The following NREP variants were observed in gnomAD, a reference collection of about 807,000 sequenced individuals.
NREP encodes the protein neuronal regeneration related protein, also known as neuronal regeneration-related protein.
NREP carries 5 observed loss-of-function variants against 8.6 expected under a neutral mutation model. The ratio of observed to expected loss-of-function variants is 0.58; its 90% CI spans 0.30 to 1.22. NREP has a LOEUF of 1.22. Among genes scored for constraint, NREP ranks in the 50% most tolerant of loss-of-function variants. The pLI is 0.07. For missense variants in NREP, 86 were observed against 82.5 expected (o/e 1.04, Z -0.17); for synonymous variants, 27 against 28.0 (o/e 0.96, Z 0.11).
intron 2 of NREP, among the ~76,000 whole-genome samples, chr5:111,805,519 G>A (rs372999232): frequency 6.6e-6 from 1 of 152,146 alleles, no homozygotes; most frequent in Admixed American, 6.5e-5. Flanking sequence ...AACTGATATG[G>A]AGTTATTATC....
intron 2 of NREP, among the ~76,000 whole-genome samples, chr5:111,745,449 A>G (rs1049801757): frequency 6.6e-6 from 1 of 152,214 alleles, no homozygotes; most frequent in Non-Finnish European, 1.5e-5. Context: ...GGAAATGTCC[A>G]GCACAATATA....
chr5:111,803,110 G>A (rs1011828106), intron 2 of NREP, among the ~76,000 whole-genome samples: 15 of 152,140 alleles, frequency 9.9e-5, no homozygotes, highest in Admixed American at 6.5e-5. Flanking sequence ...GAGCAGGTCA[G>A]TGGAAATTCC....
At chr5:111,804,076 G>A (rs1252809115) in intron 2 of NREP, among the ~76,000 whole-genome samples, 1 of 152,136 alleles carries the variant, frequency 6.6e-6, no homozygotes, top group Non-Finnish European at 1.5e-5. Flanking sequence ...AAAGTTTAAT[G>A]AGGAATTTGA....
chr5:111,870,803 T>C (rs2112495716), intron 2 of NREP, among the ~76,000 whole-genome samples: 1 of 152,208 alleles, frequency 6.6e-6, no homozygotes, highest in East Asian at 1.9e-4. Flanking sequence ...CCAAGGACTG[T>C]CAAGGATTGA....
intron 2 of NREP, among the ~76,000 whole-genome samples, chr5:111,903,814 TG>T (rs1229758929): frequency 6.6e-6 from 1 of 152,132 alleles, no homozygotes. Flanking sequence ...GCCAAAATAT[TG>T]TTCACCAAGC....
intron 2 of NREP, among the ~76,000 whole-genome samples, chr5:111,776,230 T>C (rs971979893): frequency 1.4e-4 from 21 of 152,158 alleles, no homozygotes; most frequent in Admixed American, 6.6e-5. Flanking sequence ...ATGTGCAAGA[T>C]AATTTATGTC....
intron 2 of NREP, among the ~76,000 whole-genome samples, chr5:111,956,444 T>C (rs895994805): frequency 9.2e-5 from 14 of 151,748 alleles, no homozygotes; most frequent in African/African-American, 3.1e-4. Context: ...ATTAAAGCAA[T>C]TGAAAAAATT....
intron 2 of NREP, among the ~76,000 whole-genome samples, chr5:111,845,360 G>A (rs78054321): frequency 4.8e-4 from 73 of 151,170 alleles, no homozygotes; most frequent in African/African-American, 1.5e-3. Context: ...AAGTATGTTC[G>A]TGCATAAATT....
chr5:111,922,581 A>T (rs1447462709), intron 2 of NREP, among the ~76,000 whole-genome samples: 2 of 152,112 alleles, frequency 1.3e-5, no homozygotes, highest in Admixed American at 1.3e-4. Context: ...CCATCTGTTG[A>T]GGGAGGTGTT....
chr5:111,929,281 C>T (rs1182227572), intron 2 of NREP, among the ~76,000 whole-genome samples: 1 of 152,162 alleles, frequency 6.6e-6, no homozygotes, highest in African/African-American at 2.4e-5. Flanking sequence ...TGCTATCCTA[C>T]TTAAAGCAAA....
chr5:111,919,904 A>AAAGG, intron 2 of NREP, among the ~76,000 whole-genome samples: 1 of 151,562 alleles, frequency 6.6e-6, no homozygotes, highest in African/African-American at 2.4e-5. Flanking sequence ...AGAAAGAAAG[A>AAAGG]AAGAAAGAAA....
intron 2 of NREP, among the ~76,000 whole-genome samples, chr5:111,887,739 A>C (rs189410896): frequency 6.6e-6 from 1 of 152,224 alleles, no homozygotes. Context: ...GAACTTTAAA[A>C]AGTGCTGACG....
At chr5:111,760,368 T>C (rs942341775), upstream of NREP, among the ~76,000 whole-genome samples, 1 of 152,312 alleles carries the variant, frequency 6.6e-6, no homozygotes, top group Non-Finnish European at 1.5e-5. Context: ...TTGAGTTATG[T>C]GCACTGCATT....
upstream of NREP, among the ~76,000 whole-genome samples, chr5:111,760,393 A>T (rs115467721): frequency 0.01 from 1,534 of 152,280 alleles, 41 homozygotes; most frequent in African/African-American, 0.035. Context: ...AGGGACAGAG[A>T]CCTGACCCAA....
At chr5:111,927,446 G>A (rs939003345) in intron 2 of NREP, among the ~76,000 whole-genome samples, 1 of 152,072 alleles carries the variant, frequency 6.6e-6, no homozygotes. Flanking sequence ...TGAGATAAGC[G>A]CTCTGTGGAA....
At chr5:111,941,355 C>T (rs572088054) in intron 2 of NREP, among the ~76,000 whole-genome samples, 7 of 152,070 alleles carry the variant, frequency 4.6e-5, no homozygotes, top group Non-Finnish European at 8.8e-5. Flanking sequence ...GCTTACACAA[C>T]AGAAATTTAT....
intron 2 of NREP, among the ~76,000 whole-genome samples, chr5:111,902,589 T>G (rs1056408618): frequency 6.6e-6 from 1 of 152,184 alleles, no homozygotes; most frequent in African/African-American, 2.4e-5. Context: ...GCAAAGGTCA[T>G]GACAACAGAT....
At chr5:111,840,108 C>A (rs975458054) in intron 2 of NREP, among the ~76,000 whole-genome samples, 6 of 151,904 alleles carry the variant, frequency 3.9e-5, no homozygotes, top group African/African-American at 1.2e-4. Context: ...GGTATAATGA[C>A]GTAAGTATAA....
At chr5:111,942,530 C>A (rs1485057303) in intron 2 of NREP, among the ~76,000 whole-genome samples, 2 of 151,792 alleles carry the variant, frequency 1.3e-5, no homozygotes, top group African/African-American at 4.8e-5. Context: ...CAAATAGCAG[C>A]AAGTGTGACT....
Sources: gnomAD v4.1 joint callset for allele counts (sites outside exome capture counted in the v4.1 genomes callset) on GRCh38, gnomAD v4.1.1 for gene constraint, MANE v1.5 for transcripts, NCBI Gene and HGNC (gene_info 2026-07-23, HGNC 2026-07-21) for gene names.